The following FSHR variants were observed in gnomAD, a reference collection of about 807,000 sequenced individuals.
FSHR encodes follicle-stimulating hormone receptor.
In FSHR, 46 loss-of-function variants were observed where a neutral mutation model predicts 52.1. The observed-to-expected ratio is 0.88, with a 90% CI of 0.70 to 1.13. The LOEUF (loss-of-function observed/expected upper bound fraction) is 1.13. Ranked by LOEUF, FSHR falls within the 50% of genes most tolerant of loss-of-function variation. FSHR has a pLI of 0.00. For synonymous variants in FSHR, 399 were observed against 309.6 expected, an observed-to-expected ratio of 1.29 and a Z score of -3.03; for missense variants, 964 against 834.6, an observed-to-expected ratio of 1.16 and a Z score of -1.91.
At chr2:49,149,639 G>A (rs768676180) in intron 1 of FSHR, among the ~76,000 whole-genome samples, 4 of 151,956 alleles carry the variant, frequency 2.6e-5, no homozygotes, top group Admixed American at 1.3e-4. Context: ...TTTTGTACAC[G>A]ATTGATACAT....
At chr2:49,019,316 A>C (rs1206898178) in intron 3 of FSHR, among the ~76,000 whole-genome samples, 1 of 152,162 alleles carries the variant, frequency 6.6e-6, no homozygotes, top group Non-Finnish European at 1.5e-5. Flanking sequence ...TAATTCCCTG[A>C]GTTTTTAGTG....
intron 1 of FSHR, among the ~76,000 whole-genome samples, chr2:49,111,539 G>A (rs988172850): frequency 1.3e-5 from 2 of 152,090 alleles, no homozygotes; most frequent in African/African-American, 4.8e-5. Context: ...CCTCTGTTCA[G>A]GTCTCAAAAG....
chr2:49,130,112 A>T (rs1050179825), intron 1 of FSHR, among the ~76,000 whole-genome samples: 10 of 152,178 alleles, frequency 6.6e-5, no homozygotes, highest in African/African-American at 2.4e-4. Context: ...TGTACCACTT[A>T]GGCAAGTTAC....
At chr2:49,074,970 A>T (rs1030140687) in intron 1 of FSHR, among the ~76,000 whole-genome samples, 3 of 152,132 alleles carry the variant, frequency 2.0e-5, no homozygotes, top group African/African-American at 7.2e-5. Context: ...TCACTAATAT[A>T]TGGAAGCTAG....
intron 2 of FSHR, among the ~76,000 whole-genome samples, chr2:49,053,232 A>G (rs578000731): frequency 1.2e-3 from 177 of 152,314 alleles, no homozygotes; most frequent in African/African-American, 4.2e-3. Flanking sequence ...ATCTGCATAT[A>G]CCATATTTCA....
chr2:49,093,143 T>G (rs777839419), intron 1 of FSHR, among the ~76,000 whole-genome samples: 16 of 151,956 alleles, frequency 1.1e-4, no homozygotes, highest in Non-Finnish European at 2.4e-4. Context: ...TTTTACTATT[T>G]CTGTCTAATT....
At chr2:49,120,955 G>C (rs1671797532) in intron 1 of FSHR, among the ~76,000 whole-genome samples, 1 of 152,132 alleles carries the variant, frequency 6.6e-6, no homozygotes, top group Non-Finnish European at 1.5e-5. Context: ...TAGTGATTTG[G>C]GGTTTTTCTT....
intron 2 of FSHR, among the ~76,000 whole-genome samples, chr2:49,024,381 C>G (rs1397282999): frequency 6.6e-6 from 1 of 152,018 alleles, no homozygotes; most frequent in Non-Finnish European, 1.5e-5. Flanking sequence ...TTGAGACCAG[C>G]CTGAGCAACA....
intron 1 of FSHR, among the ~76,000 whole-genome samples, chr2:49,128,040 C>G (rs567592998): frequency 6.6e-6 from 1 of 151,110 alleles, no homozygotes; most frequent in Non-Finnish European, 1.5e-5. Flanking sequence ...TTACATGATA[C>G]CTGGCTAATT....
At chr2:49,106,100 C>G (rs1054868517) in intron 1 of FSHR, among the ~76,000 whole-genome samples, 3 of 152,180 alleles carry the variant, frequency 2.0e-5, no homozygotes, top group Admixed American at 6.5e-5. Flanking sequence ...GGACAACTTT[C>G]AAGTGCAATG....
In FSHR at chr2:49,104,076, G is replaced by T. The variant is rs118164826; in HGVS notation, c.153-35786C>A. Among the ~76,000 whole-genome samples, 171 of 152,092 alleles carry T rather than the reference G, an allele frequency of 1.1e-3. 3 individuals are homozygous for T. In the East Asian group the frequency reaches 0.029, roughly 26 times the overall value. On this transcript the variant is annotated intron_variant, in intron 1 of 9. Transcript: ENST00000406846. ...GGGAGATGATAGTATCAGTAATCATGCCAGTAAGAGTATAGGAAAGGTCAT... is the reference window on the plus strand; with the variant it reads ...GGGAGATGATAGTATCAGTAATCATTCCAGTAAGAGTATAGGAAAGGTCAT...
intron 2 of FSHR, among the ~76,000 whole-genome samples, chr2:49,058,081 GA>G (rs1208165847): frequency 1.3e-5 from 2 of 152,130 alleles, no homozygotes; most frequent in Non-Finnish European, 2.9e-5. Context: ...AGGAAAAGCT[GA>G]AAGCTTTTTC....
chr2:49,147,973 T>G (rs1672929518), intron 1 of FSHR, among the ~76,000 whole-genome samples: 1 of 151,986 alleles, frequency 6.6e-6, no homozygotes, highest in East Asian at 1.9e-4. Flanking sequence ...AGTGGGGTGT[T>G]CAGTTTTGAT....
chr2:49,018,054 A>G (rs1010537330), intron 3 of FSHR, among the ~76,000 whole-genome samples: 8 of 152,208 alleles, frequency 5.3e-5, no homozygotes, highest in African/African-American at 7.2e-5. Flanking sequence ...GGAAAAAGTG[A>G]GGGGCAAAAA....
chr2:49,071,697 C>T (rs768569448), intron 1 of FSHR, among the ~76,000 whole-genome samples: 5 of 152,132 alleles, frequency 3.3e-5, no homozygotes, highest in Admixed American at 6.6e-5. Context: ...GTTCTGCAGG[C>T]TGTACAAGAA....
intron 1 of FSHR, among the ~76,000 whole-genome samples, chr2:49,094,639 C>G (rs1670753685): frequency 6.6e-6 from 1 of 152,032 alleles, no homozygotes; most frequent in Non-Finnish European, 1.5e-5. Flanking sequence ...AACAAAAACA[C>G]AACATCCTGA....
intron 9 of FSHR, among the ~76,000 whole-genome samples, chr2:48,965,991 TG>T (rs1674462019): frequency 6.6e-6 from 1 of 152,092 alleles, no homozygotes; most frequent in South Asian, 2.1e-4. Flanking sequence ...TGCTTGGGGG[TG>T]GCATAGCAGT....
Position 48,987,496 on chromosome 2 carries a change from C to T in FSHR, c.524+1481G>A, listed in dbSNP as rs189453632. On this transcript the variant is annotated intron_variant, in intron 6 of 9. Transcript: ENST00000406846. ...AAGTGCTTGGATTACAGGCATGAGC[C>T]ACCACGCCCACCTGATTATTTTTAT... Among the ~76,000 whole-genome samples the T allele has an allele frequency of 2.6e-5, 4 of 152,192 alleles. No homozygotes were observed. The East Asian group carries it at 5.8e-4, about 22-fold the overall frequency.
At chr2:49,093,030 A>G (rs1401430752) in intron 1 of FSHR, among the ~76,000 whole-genome samples, 2 of 152,204 alleles carry the variant, frequency 1.3e-5, no homozygotes, top group Non-Finnish European at 1.5e-5. Context: ...ATTGTGAATA[A>G]TTCTTAGTTT....
Sources: allele counts gnomAD v4.1 joint callset (sites outside exome capture counted in the v4.1 genomes callset), GRCh38; gene constraint gnomAD v4.1.1; transcripts MANE v1.5; gene names NCBI Gene and HGNC (gene_info 2026-07-23, HGNC 2026-07-21).